KDM4B: variants seen among roughly 807,000 people sequenced by gnomAD.
KDM4B encodes lysine demethylase 4B, also known as lysine-specific demethylase 4B.
Under a neutral mutation model 125.2 loss-of-function variants are expected in KDM4B, and 32 were observed. The ratio of observed to expected loss-of-function variants is 0.26; its 90% CI spans 0.19 to 0.34. KDM4B has a LOEUF of 0.34. Among genes scored for constraint, KDM4B ranks in the 10% least tolerant of loss-of-function variants. KDM4B has a pLI of 1.00. For missense variants in KDM4B, 1,190 were observed against 1,577.7 expected (o/e 0.75, Z 4.16); for synonymous variants, 721 against 677.9 (o/e 1.06, Z -0.99).
At chr19:5,019,614 G>A (rs1266231929) in intron 2 of KDM4B, among the ~76,000 whole-genome samples, 2 of 139,798 alleles carry the variant, frequency 1.4e-5, no homozygotes, top group Admixed American at 7.2e-5. Flanking sequence ...GTGGGTGTTC[G>A]TGTGGGGGTG....
chr19:5,026,305 G>A (rs781359218), intron 2 of KDM4B, among the ~76,000 whole-genome samples: 4 of 147,556 alleles, frequency 2.7e-5, no homozygotes, highest in African/African-American at 7.4e-5. Context: ...GATTACAGGC[G>A]TGAGCCACCA....
At chr19:5,022,284 C>G (rs1278713200) in intron 2 of KDM4B, among the ~76,000 whole-genome samples, 7 of 152,194 alleles carry the variant, frequency 4.6e-5, no homozygotes, top group Non-Finnish European at 1.0e-4. Context: ...AGGGCCAGGC[C>G]TGGCCCCAGG....
At chr19:4,981,229 C>T (rs1217002255) in intron 1 of KDM4B, among the ~76,000 whole-genome samples, 3 of 152,144 alleles carry the variant, frequency 2.0e-5, no homozygotes, top group African/African-American at 4.8e-5. Context: ...TCTGACTTGC[C>T]CTTTGCTGTG....
intron 1 of KDM4B, among the ~76,000 whole-genome samples, chr19:5,001,329 C>A (rs1445809812): frequency 6.6e-6 from 1 of 152,158 alleles, no homozygotes; most frequent in Non-Finnish European, 1.5e-5. Context: ...TGGCCTTATA[C>A]CTTTTCTTTC....
chr19:5,151,054 G>A (rs1211387175), intron 22 of KDM4B, among the ~76,000 whole-genome samples: 1 of 152,186 alleles, frequency 6.6e-6, no homozygotes, highest in African/African-American at 2.4e-5. Context: ...CTCAGCCGCA[G>A]AGGGGTCCCT....
intron 1 of KDM4B, among the ~76,000 whole-genome samples, chr19:4,994,878 G>C (rs2035150162): frequency 6.6e-6 from 1 of 152,110 alleles, no homozygotes; most frequent in South Asian, 2.1e-4. Context: ...CTTAGTAGTT[G>C]CTGTCGGTCT....
chr19:4,995,627 C>G (rs1023981517), intron 1 of KDM4B, among the ~76,000 whole-genome samples: 1 of 152,172 alleles, frequency 6.6e-6, no homozygotes, highest in Admixed American at 6.5e-5. Flanking sequence ...GTGCCATCAT[C>G]GTTTTGATGA....
At chr19:5,053,821 AC>A (rs1433171392) in intron 6 of KDM4B, among the ~76,000 whole-genome samples, 3 of 152,002 alleles carry the variant, frequency 2.0e-5, no homozygotes, top group South Asian at 2.1e-4. Context: ...ACCAGCCACT[AC>A]CCCCCAGCAG....
At position 5,137,288 on chromosome 19, in the gene KDM4B, G is replaced by T; in HGVS notation, c.2335G>T (p.Val779Phe). ...ASCYGIRPEL[V>F]NEGWTCSRCA... ...TTGCTATGGCATCCGTCCCGAGCTGGTCAATGAAGGCTGGACGTGTTCCCG... is the reference window on the plus strand; with the variant it reads ...TTGCTATGGCATCCGTCCCGAGCTGTTCAATGAAGGCTGGACGTGTTCCCG... Residue 779 changes from valine (V) to phenylalanine (F), a missense_variant, in exon 16 of 23, where the codon GTC becomes TTC. Coordinates refer to ENST00000159111, the MANE Select transcript of KDM4B (RefSeq NM_015015.3). 1 of 1,581,114 alleles carries T rather than the reference G, an allele frequency of 6.3e-7. No individual in the cohort carries two copies. The highest frequency in any genetic ancestry group is 1.8e-5 in the Admixed American group (1 of 54,936).
chr19:5,052,012 C>T lies in KDM4B; in HGVS notation c.626+4343C>T, dbSNP rs59331575. On this transcript the variant is annotated intron_variant, in intron 6 of 22. Transcript: ENST00000159111. The stretch of plus-strand genomic sequence containing the variant: ...CACGGAGCCCCCAGTTGCTCTTGGC[C>T]ATCCTGGGCTGCTATGAGCCAGACC... Among the ~76,000 whole-genome samples, 688 of 152,192 alleles carry T rather than the reference C, an allele frequency of 4.5e-3. 8 individuals are homozygous for T. The highest frequency in any genetic ancestry group is 0.016 in the African/African-American group (652 of 41,538).
At chr19:5,025,034 G>A (rs2036235609) in intron 2 of KDM4B, among the ~76,000 whole-genome samples, 1 of 152,272 alleles carries the variant, frequency 6.6e-6, no homozygotes, top group Non-Finnish European at 1.5e-5. Flanking sequence ...TCAGTGGTGT[G>A]TAGTTTACTC....
intron 9 of KDM4B, among the ~76,000 whole-genome samples, chr19:5,101,630 G>A (rs987727507): frequency 3.3e-5 from 5 of 152,056 alleles, no homozygotes; most frequent in Non-Finnish European, 7.4e-5. Flanking sequence ...GGCCTCACTC[G>A]GTGCTTTACC....
intron 21 of KDM4B, among the ~76,000 whole-genome samples, chr19:5,146,262 G>A (rs910179618): frequency 6.7e-5 from 10 of 148,272 alleles, no homozygotes; most frequent in African/African-American, 2.0e-4. Flanking sequence ...CGTGCAGGCC[G>A]GCCCCGCCCA....
intron 5 of KDM4B, 133 bp downstream of exon 5, chr19:5,041,384 G>C: frequency 1.6e-6 from 1 of 622,424 alleles, no homozygotes; most frequent in Non-Finnish European, 2.8e-6. Flanking sequence ...CCCAGGCTCT[G>C]GATGCGGGCC....
At position 5,082,327 on chromosome 19, in the gene KDM4B, C is replaced by A; in HGVS notation, c.781-40C>A. 6.2e-7 allele frequency: 1 copy of A among 1,611,914 alleles called. No individual in the cohort carries two copies. Among genetic ancestry groups the A allele is most frequent in the South Asian group, 1.1e-5 (1 of 90,948 alleles). On this transcript the variant is annotated intron_variant, in intron 8 of 22. Coordinates refer to ENST00000159111, the MANE Select transcript of KDM4B (RefSeq NM_015015.3). The surrounding 1 kb of genome is among the most constrained non-coding windows in gnomAD (Gnocchi z 5.4). The stretch of plus-strand genomic sequence containing the variant: ...CCACGTCCCATCCCCTGGTGCGCCT[C>A]TGGTGGCCCTGCCCTCACCTGTCTC...
chr19:5,017,733 T>C (rs2035936195), intron 2 of KDM4B, among the ~76,000 whole-genome samples: 1 of 152,134 alleles, frequency 6.6e-6, no homozygotes, highest in Non-Finnish European at 1.5e-5. Flanking sequence ...AGCTTTATTA[T>C]TTATTTATTT....
At chr19:5,094,531 G>A (rs1390287110) in intron 9 of KDM4B, among the ~76,000 whole-genome samples, 1 of 152,156 alleles carries the variant, frequency 6.6e-6, no homozygotes, top group Non-Finnish European at 1.5e-5. Context: ...GATGGCCGCC[G>A]TCTAGACGGG....
chr19:5,024,469 C>CGGGCCGGA (rs1456942058), intron 2 of KDM4B, among the ~76,000 whole-genome samples: 3 of 152,134 alleles, frequency 2.0e-5, no homozygotes, highest in Non-Finnish European at 4.4e-5. Context: ...CCTGCTCAGC[C>CGGGCCGGA]GGGCCGGAAG....
chr19:5,124,130 G>A (rs1233395342), intron 11 of KDM4B, among the ~76,000 whole-genome samples: 2 of 152,128 alleles, frequency 1.3e-5, no homozygotes, highest in African/African-American at 2.4e-5. Context: ...AGATGGGTGA[G>A]TTATGGGAAA....
Sources: gnomAD v4.1 joint callset for allele counts (sites outside exome capture counted in the v4.1 genomes callset) on GRCh38, gnomAD v4.1.1 for gene constraint, Gnocchi (gnomAD v3.1) non-coding constraint, MANE v1.5 for transcripts, NCBI Gene and HGNC (gene_info 2026-07-23, HGNC 2026-07-21) for gene names.